Variants in KIFAP3 observed in about 807,000 individuals in gnomAD.
The protein encoded by KIFAP3 is kinesin associated protein 3, also known as kinesin-associated protein 3.
In KIFAP3, 68 loss-of-function variants were observed where a neutral mutation model predicts 106.5. The observed-to-expected ratio is 0.64, with a 90% CI of 0.53 to 0.78. The LOEUF is 0.78. Ranked by LOEUF, KIFAP3 falls within the 30% of genes least tolerant of loss-of-function variation. The probability of loss-of-function intolerance (pLI) is 0.00; values close to 1 mark genes in which losing one functional copy is unlikely to be tolerated. For missense variants in KIFAP3, 780 were observed against 941.8 expected (o/e 0.83, Z 2.25); for synonymous variants, 320 against 311.5 (o/e 1.03, Z -0.29).
intron 15 of KIFAP3, among the ~76,000 whole-genome samples, chr1:169,981,015 C>T (rs529033836): frequency 5.2e-4 from 79 of 152,164 alleles, no homozygotes; most frequent in Middle Eastern, 6.8e-3. Context: ...GCAGGAGAAT[C>T]GCTTGAACCC....
chr1:170,043,901 T>C (rs796578450), intron 3 of KIFAP3, among the ~76,000 whole-genome samples: 2 of 152,280 alleles, frequency 1.3e-5, no homozygotes, highest in African/African-American at 4.8e-5. Flanking sequence ...TTTCTGTACT[T>C]ACCCCAATTG....
Position 169,939,292 on chromosome 1 carries a change from TG to T in KIFAP3, c.2273+14718del, listed in dbSNP as rs1663976921. ...AAATGAAAACAACAGGGCATGCAGATGGTTTGCAGTGGAGAGAGAGGGTAAT... is the reference window on the plus strand; with the variant it reads ...AAATGAAAACAACAGGGCATGCAGATGTTTGCAGTGGAGAGAGAGGGTAAT... On this transcript the variant is annotated intron_variant, in intron 19 of 19. Transcript: ENST00000361580. 2.0e-5 allele frequency among the ~76,000 whole-genome samples: 3 copies of T among 152,190 alleles called. No homozygotes were observed. The South Asian group carries it at 6.2e-4, about 32-fold the overall frequency.
rs115509149 is a variant in KIFAP3, at chr1:169,942,532, T to G, written c.2273+11479A>C. ...GCAAAGAAAACAAGATTAAACTGAT[T>G]GTGCTGTTTTCATACATTGTAGCTG... On this transcript the variant is annotated intron_variant, in intron 19 of 19. Transcript: ENST00000361580. Among the ~76,000 whole-genome samples, 422 of 152,380 alleles carry G rather than the reference T, an allele frequency of 2.8e-3. 1 individual carries two copies. Among genetic ancestry groups the G allele is most frequent in the African/African-American group, 9.5e-3 (395 of 41,592 alleles).
chr1:169,996,714 A>C (rs1667387651), intron 10 of KIFAP3, among the ~76,000 whole-genome samples: 1 of 152,178 alleles, frequency 6.6e-6, no homozygotes, highest in South Asian at 2.1e-4. Context: ...AGTTATCATC[A>C]TCATTCCTTA....
rs962406338 is a variant in KIFAP3 at position 170,008,200 on chromosome 1, T to C, written c.1183+8262A>G. ...TACCTAGGCAATACCGTTCAGGACA[T>C]AGACATGGGCAAAGACTTTATGACT... On this transcript the variant is annotated intron_variant, in intron 10 of 19. Transcript: ENST00000361580. Among the ~76,000 whole-genome samples the C allele has an allele frequency of 1.3e-4, 19 of 151,582 alleles. 1 individual carries two copies. Among genetic ancestry groups the C allele is most frequent in the Admixed American group, 2.6e-4 (4 of 15,250 alleles).
At chr1:169,947,847 A>C (rs1228562607) in intron 19 of KIFAP3, among the ~76,000 whole-genome samples, 1 of 151,776 alleles carries the variant, frequency 6.6e-6, no homozygotes, top group Non-Finnish European at 1.5e-5. Flanking sequence ...TAAATCATTT[A>C]AAAAGTGAAG....
chr1:169,946,304 A>T (rs1571539642), intron 19 of KIFAP3, among the ~76,000 whole-genome samples: 1 of 152,178 alleles, frequency 6.6e-6, no homozygotes, highest in East Asian at 1.9e-4. Flanking sequence ...TGTATTAATA[A>T]ACCCTTAGCT....
chr1:170,080,127 A>C (rs541614998), intron 1 of KIFAP3, among the ~76,000 whole-genome samples: 1 of 152,238 alleles, frequency 6.6e-6, no homozygotes, highest in African/African-American at 2.4e-5. Flanking sequence ...TATACTAGCA[A>C]TGAAAAATTG....
At chr1:170,027,270 T>G (rs1000970567) in intron 8 of KIFAP3, among the ~76,000 whole-genome samples, 1 of 152,138 alleles carries the variant, frequency 6.6e-6, no homozygotes, top group Non-Finnish European at 1.5e-5. Flanking sequence ...TCTGCCTGCC[T>G]TGGCCTCCCA....
intron 10 of KIFAP3, among the ~76,000 whole-genome samples, chr1:169,997,592 C>T (rs551528599): frequency 5.3e-5 from 8 of 152,114 alleles, no homozygotes; most frequent in East Asian, 3.9e-4. Flanking sequence ...GCTGTTTGGC[C>T]GGACACAGAG....
intron 18 of KIFAP3, 34 bp downstream of exon 18, chr1:169,961,012 A>AT: frequency 6.4e-7 from 1 of 1,573,074 alleles, no homozygotes; most frequent in South Asian, 1.1e-5. Context: ...TTCATAGCAT[A>AT]TAATAAACTG....
At position 169,998,395 on chromosome 1, in the gene KIFAP3, TATATACACACACACACAC is replaced by T. The variant is rs1261500029; in HGVS notation, c.1184-6158_1184-6141del. Among the ~76,000 whole-genome samples, 7 of 81,346 alleles carry T rather than the reference TATATACACACACACACAC, an allele frequency of 8.6e-5. No homozygotes were observed. In the East Asian group the frequency reaches 1.7e-3, roughly 20 times the overall value. 53.4% of individuals were successfully genotyped at this position (81,346 alleles called of 152,430 possible). On this transcript the variant is annotated intron_variant, in intron 10 of 19. Transcript: ENST00000361580. ...GTGCTTCACCAGATATATATATATA[TATATACACACACACACAC>T]ACACACACACACACACACACACACC... is the stretch of plus-strand genomic sequence containing the variant.
rs1233523272 is a variant in KIFAP3, at chr1:169,982,084, A to G, written c.1686T>C (p.Asp562=). ...KDKLKPGAAE[D]DLVLEVVIMI... ...TTATAACCACTTCTAAAACAAGATC[A>G]TCTTCTGCAGCACCTAGTGAAGTCA... The change falls in exon 15 of 20, where the codon GAT becomes GAC. Residue 562 remains aspartate (D), a synonymous_variant. Transcript: ENST00000361580. The G allele has an allele frequency of 6.2e-7, 1 of 1,613,378 alleles. No homozygotes were observed. Among genetic ancestry groups the G allele is most frequent in the Non-Finnish European group, 8.5e-7 (1 of 1,179,608 alleles).
intron 10 of KIFAP3, among the ~76,000 whole-genome samples, chr1:169,998,525 C>T (rs1029607243): frequency 9.2e-5 from 14 of 151,576 alleles, no homozygotes; most frequent in Non-Finnish European, 1.5e-5. Context: ...ACCCAAGTTG[C>T]TAATGTGTCT....
At chr1:169,957,831 T>G (rs970615138) in intron 18 of KIFAP3, 1 of 152,304 alleles carries the variant, frequency 6.6e-6, no homozygotes, top group Non-Finnish European at 1.5e-5. Flanking sequence ...TTCACCATGT[T>G]GGCTAGGCTG....
intron 13 of KIFAP3, 86 bp from the exon 14 acceptor site, chr1:169,982,953 G>C: frequency 1.3e-6 from 1 of 760,670 alleles, no homozygotes; most frequent in Non-Finnish European, 1.9e-6. Context: ...TTAACTCATT[G>C]AAAGAAAAAG....
At chr1:170,069,802 C>T (rs574211) in intron 1 of KIFAP3, among the ~76,000 whole-genome samples, 38,711 of 150,764 alleles carry the variant, frequency 0.26, 6,008 homozygotes, top group East Asian at 0.49. Context: ...CAACATAGTA[C>T]TGGAAATTCT....
intron 10 of KIFAP3, among the ~76,000 whole-genome samples, chr1:170,009,082 C>T (rs946969498): frequency 6.6e-6 from 1 of 151,976 alleles, no homozygotes; most frequent in African/African-American, 2.4e-5. Flanking sequence ...AACACATGGA[C>T]ATCACACACC....
chr1:170,008,555 C>T (rs536152633), intron 10 of KIFAP3, among the ~76,000 whole-genome samples: 94 of 152,208 alleles, frequency 6.2e-4, no homozygotes, highest in African/African-American at 2.1e-3. Context: ...AAATGCAAAT[C>T]AAAACCACAA....
Sources: gnomAD v4.1 joint callset for allele counts (sites outside exome capture counted in the v4.1 genomes callset) on GRCh38, gnomAD v4.1.1 for gene constraint, MANE v1.5 for transcripts, NCBI Gene and HGNC (gene_info 2026-07-23, HGNC 2026-07-21) for gene names.